The following TMTC1 variants were observed in gnomAD, a reference collection of about 807,000 sequenced individuals.
TMTC1 encodes protein O-mannosyl-transferase TMTC1.
A neutral mutation model predicts 104.8 loss-of-function variants in TMTC1; 73 were observed. The ratio of observed to expected loss-of-function variants is 0.70; its 90% confidence interval spans 0.58 to 0.85. TMTC1 has a LOEUF of 0.85. TMTC1 is among the 40% of genes least tolerant of loss of function. The pLI is 0.00. For missense variants in TMTC1, 1,035 were observed against 1,096.1 expected, an observed-to-expected ratio of 0.94 and a Z score of 0.79; for synonymous variants, 434 against 428.7, an observed-to-expected ratio of 1.01 and a Z score of -0.15.
chr12:29,521,006 C>T (rs185805560), intron 11 of TMTC1: 24 of 232,742 alleles, frequency 1.0e-4, no homozygotes, highest in African/African-American at 3.4e-4. Context: ...ACAACATGCA[C>T]GCCTACCGGG....
intron 5 of TMTC1, among the ~76,000 whole-genome samples, chr12:29,675,403 A>G (rs899377432): frequency 6.6e-6 from 1 of 152,160 alleles, no homozygotes; most frequent in African/African-American, 2.4e-5. Context: ...TTTGCCTGGC[A>G]CTAAGGAGCT....
At chr12:29,523,169 G>A (rs972780791) in intron 11 of TMTC1, among the ~76,000 whole-genome samples, 5 of 152,062 alleles carry the variant, frequency 3.3e-5, no homozygotes, top group African/African-American at 9.7e-5. Context: ...AATATTTCAC[G>A]AACACCATTG....
At position 29,677,568 on chromosome 12, in the gene TMTC1, G is replaced by A. The variant is rs562673621; in HGVS notation, c.939-44232C>T. Among the ~76,000 whole-genome samples, 130 of 152,120 alleles carry A rather than the reference G, an allele frequency of 8.5e-4. 2 individuals are homozygous for A. Among genetic ancestry groups the A allele is most frequent in the Non-Finnish European group, 1.7e-3 (118 of 68,036 alleles). Reference sequence around the variant, plus strand: ...TTTCAGTTACCTGCAGTCAATTGCCGTCCAAAAATAGGAAATGGAAAATTC... The same window carrying A: ...TTTCAGTTACCTGCAGTCAATTGCCATCCAAAAATAGGAAATGGAAAATTC... On this transcript the variant is annotated intron_variant, in intron 5 of 17. Coordinates refer to ENST00000539277, the MANE Select transcript of TMTC1 (RefSeq NM_001193451.2).
intron 7 of TMTC1, among the ~76,000 whole-genome samples, chr12:29,589,810 T>C (rs577120151): frequency 3.3e-5 from 5 of 152,356 alleles, no homozygotes; most frequent in African/African-American, 9.6e-5. Context: ...TCCACAATAT[T>C]TGCAGGGCAT....
At chr12:29,716,901 G>C (rs1942098870) in intron 5 of TMTC1, among the ~76,000 whole-genome samples, 1 of 152,052 alleles carries the variant, frequency 6.6e-6, no homozygotes, top group Non-Finnish European at 1.5e-5. Context: ...TGTAGTCTCA[G>C]CTACTTGGGA....
intron 10 of TMTC1, among the ~76,000 whole-genome samples, chr12:29,537,524 C>T (rs1054553515): frequency 2.0e-5 from 3 of 152,190 alleles, no homozygotes; most frequent in Non-Finnish European, 4.4e-5. Context: ...GAATCCACCC[C>T]TAATGACCTT....
At position 29,518,316 on chromosome 12, in the gene TMTC1, T is replaced by A. The variant is rs182884577; in HGVS notation, c.2024+156A>T. ...GTCATGAATTATGATCCCATTTATA[T>A]TGTGGTTGCTTTCTTTGGAGATAAA... On this transcript the variant is annotated intron_variant, in intron 13 of 17. Coordinates refer to ENST00000539277, the MANE Select transcript of TMTC1 (RefSeq NM_001193451.2). Among the ~76,000 whole-genome samples, 30 of 152,358 alleles carry A rather than the reference T, an allele frequency of 2.0e-4. 1 individual carries two copies. In the East Asian group the frequency reaches 3.5e-3, roughly 18 times the overall value.
At chr12:29,775,170 G>A (rs2120604844) in intron 1 of TMTC1, among the ~76,000 whole-genome samples, 1 of 152,276 alleles carries the variant, frequency 6.6e-6, no homozygotes, top group South Asian at 2.1e-4. Flanking sequence ...TAAAAATTAT[G>A]ACAGACCAAG....
At chr12:29,584,116 C>G (rs1247136625) in intron 7 of TMTC1, among the ~76,000 whole-genome samples, 2 of 152,154 alleles carry the variant, frequency 1.3e-5, no homozygotes, top group Non-Finnish European at 2.9e-5. Flanking sequence ...GAAAATCTAC[C>G]CACAGGCCGA....
In TMTC1 at chr12:29,618,330, T is replaced by C. The variant is rs146580109; in HGVS notation, c.1129-14031A>G. 3.8e-3 allele frequency among the ~76,000 whole-genome samples: 577 copies of C among 152,320 alleles called. 1 individual carries two copies. The highest frequency in any genetic ancestry group is 5.7e-3 in the Non-Finnish European group (391 of 68,030). On this transcript the variant is annotated intron_variant, in intron 6 of 17. Transcript: ENST00000539277. ...ACTACAGTGTGGAGATGCATGTATA[T>C]AGATGACACTTTCCTTCTTGAACAA...
chr12:29,781,995 G>A (rs576933841), intron 1 of TMTC1, among the ~76,000 whole-genome samples: 2 of 152,282 alleles, frequency 1.3e-5, no homozygotes, highest in East Asian at 3.9e-4. Flanking sequence ...GGTCTCCATG[G>A]CTGTTACAAA....
At chr12:29,702,122 G>A (rs1941611772) in intron 5 of TMTC1, among the ~76,000 whole-genome samples, 1 of 152,040 alleles carries the variant, frequency 6.6e-6, no homozygotes, top group Admixed American at 6.6e-5. Flanking sequence ...TTAAACTATG[G>A]ACTGATTAAT....
At chr12:29,522,554 ATGTGTGTGTGTG>A (rs4034168) in intron 11 of TMTC1, among the ~76,000 whole-genome samples, 5 of 148,814 alleles carry the variant, frequency 3.4e-5, no homozygotes, top group African/African-American at 9.8e-5. Flanking sequence ...AGGACTGACA[ATGTGTGTGTGTG>A]TGTGTGTGTG....
chr12:29,715,918 C>A (rs539869981), intron 5 of TMTC1, among the ~76,000 whole-genome samples: 2 of 151,982 alleles, frequency 1.3e-5, no homozygotes, highest in African/African-American at 4.8e-5. Context: ...TGGGTCCTTC[C>A]CACAACATGT....
rs1202958207 is a variant in TMTC1, at chr12:29,624,904, G to C, written c.1128+8243C>G. Among the ~76,000 whole-genome samples the C allele has an allele frequency of 3.3e-5, 5 of 152,104 alleles. No homozygotes were observed. In the East Asian group the frequency reaches 9.6e-4, roughly 29 times the overall value. On this transcript the variant is annotated intron_variant, in intron 6 of 17. Coordinates refer to ENST00000539277, the MANE Select transcript of TMTC1 (RefSeq NM_001193451.2). ...TATTCTCCTTTCAATATAAGCCAAG[G>C]TTGTTTTCTATGATTGAGAATCAAT...
rs199770810 is a variant in TMTC1 at position 29,572,144 on chromosome 12, C to T, written c.1493G>A (p.Arg498Gln). Residue 498 changes from arginine to glutamine, a missense_variant, in exon 9 of 18, where the codon CGG becomes CAG. Arg to Gln is a conservative substitution (Grantham distance 43). Coordinates refer to ENST00000539277, the MANE Select transcript of TMTC1 (RefSeq NM_001193451.2). ...NYANFLKDQGRNKEAIYHYRT... is the reference protein window; with the variant it reads ...NYANFLKDQGQNKEAIYHYRT... ...GTAGTGGTAGATCGCTTCCTTGTTC[C>T]GACCTTGGTCCTTCAGGAAATTGGC... The T allele has an allele frequency of 1.1e-5, 17 of 1,613,796 alleles. No homozygotes were observed. Among genetic ancestry groups the T allele is most frequent in the Middle Eastern group, 1.6e-4 (1 of 6,078 alleles).
chr12:29,704,526 T>C (rs1017378599), intron 5 of TMTC1, among the ~76,000 whole-genome samples: 1 of 152,254 alleles, frequency 6.6e-6, no homozygotes, highest in Non-Finnish European at 1.5e-5. Flanking sequence ...AGAGCTACTA[T>C]GATGAGTGGC....
chr12:29,687,970 G>A (rs762354173), intron 5 of TMTC1, among the ~76,000 whole-genome samples: 3 of 152,140 alleles, frequency 2.0e-5, no homozygotes, highest in Non-Finnish European at 2.9e-5. Context: ...TTACATTGGA[G>A]GTCAGGGTTT....
intron 5 of TMTC1, among the ~76,000 whole-genome samples, chr12:29,659,200 A>C (rs1387253330): frequency 6.6e-6 from 1 of 152,234 alleles, no homozygotes; most frequent in Non-Finnish European, 1.5e-5. Flanking sequence ...ATATGTATCA[A>C]TCAATAGATA....
Sources: gnomAD v4.1 joint callset for allele counts (sites outside exome capture counted in the v4.1 genomes callset) on GRCh38, gnomAD v4.1.1 for gene constraint, MANE v1.5 for transcripts, NCBI Gene and HGNC (gene_info 2026-07-23, HGNC 2026-07-21) for gene names.